Variants in ATP2B3 observed in about 807,000 individuals in gnomAD.
The protein encoded by ATP2B3 is plasma membrane calcium-transporting ATPase 3.
Under a neutral mutation model 70.8 loss-of-function variants are expected in ATP2B3, and 12 were observed. The observed-to-expected ratio is 0.17, with a 90% confidence interval of 0.11 to 0.27. The LOEUF (loss-of-function observed/expected upper bound fraction) is 0.27. Among genes scored for constraint, ATP2B3 ranks in the 10% least tolerant of loss-of-function variants. ATP2B3 has a pLI of 1.00. For synonymous variants in ATP2B3, 460 were observed against 497.8 expected (o/e 0.92, Z 1.01); for missense variants, 858 against 1,118.5 (o/e 0.77, Z 3.32).
At chrX:153,547,533 C>T (rs2090387198) in intron 8 of ATP2B3, among the ~76,000 whole-genome samples, 1 of 111,465 alleles carries the variant, frequency 9.0e-6, no homozygotes, top group African/African-American at 3.3e-5. Context: ...TTATTTGGGG[C>T]ATTCCAGGAC....
At chrX:153,562,310 C>T in intron 20 of ATP2B3, 68 bp downstream of exon 20, 1 of 1,012,945 alleles carries the variant, frequency 9.9e-7, no homozygotes, top group Non-Finnish European at 1.4e-6. Flanking sequence ...GCCCACTTGC[C>T]CTAACCCTGC....
In ATP2B3 at chrX:153,565,024, A is replaced by G. The variant is rs1242701343; in HGVS notation, c.3263A>G (p.Glu1088Gly). 8.3e-7 allele frequency: 1 copy of G among 1,201,043 alleles called. No individual in the cohort carries two copies. Among genetic ancestry groups the G allele is most frequent in the East Asian group, 3.0e-5 (1 of 33,312 alleles). ...GACGAGGAGCTGGCCGAAGGCGAGG[A>G]AGAGATCGACCATGCCGAGCGGGAG... Reference protein sequence around the residue: ...MTDEELAEGEEEIDHAERELR... With the variant: ...MTDEELAEGEGEIDHAERELR... The change falls in exon 21 of 22, where the codon GAA (glutamate) becomes GGA (glycine). Residue 1088 changes from glutamate to glycine, a missense_variant. This residue lies in a region of ATP2B3 where 265 missense variants were observed against 305.3 expected (regional missense o/e 0.87). Transcript: ENST00000263519.
intron 7 of ATP2B3, 84 bp from the exon 8 acceptor site, chrX:153,546,004 C>T (rs2090359802): frequency 9.3e-7 from 1 of 1,079,247 alleles, no homozygotes; most frequent in South Asian, 1.9e-5. Flanking sequence ...AGCAATCAGG[C>T]CCCTCCTCCC....
At chrX:153,528,370 G>A (rs781993055) in intron 2 of ATP2B3, among the ~76,000 whole-genome samples, 1 of 111,860 alleles carries the variant, frequency 8.9e-6, no homozygotes, top group Non-Finnish European at 1.9e-5. Flanking sequence ...GAGGCTGCTG[G>A]CAGAGTGATA....
At position 153,553,027 on chromosome X, in the gene ATP2B3, C is replaced by T. The variant is rs782531079; in HGVS notation, c.1824-8C>T. 8.3e-7 allele frequency: 1 copy of T among 1,197,918 alleles called. No individual in the cohort carries two copies. Among genetic ancestry groups the T allele is most frequent in the Middle Eastern group, 2.3e-4 (1 of 4,308 alleles). Reference sequence around the variant, plus strand: ...CCTCCACCTCATCTCTGCCCACCCCCTGCCTAGGTGCACCAACATCTTGAA... The same window carrying T: ...CCTCCACCTCATCTCTGCCCACCCCTTGCCTAGGTGCACCAACATCTTGAA... On this transcript the variant is annotated splice_polypyrimidine_tract_variant and splice_region_variant and intron_variant, in intron 12 of 21. Coordinates refer to ENST00000263519, the MANE Select transcript of ATP2B3 (RefSeq NM_001001344.3).
Position 153,550,151 on chromosome X carries a change from A to G in ATP2B3, c.1688A>G (p.Glu563Gly), listed in dbSNP as rs1557010897. Residue 563 changes from glutamate to glycine, a missense_variant, in exon 12 of 22, where the codon GAG becomes GGG. Around this residue, in one of 5 missense-constraint regions of ATP2B3, gnomAD observed 242 missense variants for 281.3 expected, o/e 0.86. Coordinates refer to ENST00000263519, the MANE Select transcript of ATP2B3 (RefSeq NM_001001344.3). ...AAGCGGGACTTCCAGCCCGTGCGCGAGCAGATCCCGGAAGACAAGCTTTAC... is the reference window on the plus strand; with the variant it reads ...AAGCGGGACTTCCAGCCCGTGCGCGGGCAGATCCCGGAAGACAAGCTTTAC... ...DLKRDFQPVR[E>G]QIPEDKLYKV... The G allele has an allele frequency of 8.2e-7, 1 of 1,212,440 alleles. No individual in the cohort carries two copies. Among genetic ancestry groups the G allele is most frequent in the East Asian group, 3.0e-5 (1 of 33,863 alleles).
chrX:153,520,428 A>G (rs782563212), intron 2 of ATP2B3, among the ~76,000 whole-genome samples: 28 of 112,174 alleles, frequency 2.5e-4, no homozygotes, highest in African/African-American at 9.1e-4. Flanking sequence ...AGCACATATG[A>G]ACTCCCCTCT....
At chrX:153,555,965 A>G in intron 13 of ATP2B3, 84 bp from the exon 14 acceptor site, 2 of 1,106,667 alleles carry the variant, frequency 1.8e-6, no homozygotes. Context: ...GGCCACCTGC[A>G]GATCTGATGG....
At chrX:153,535,059 C>A (rs2090170562) in intron 2 of ATP2B3, among the ~76,000 whole-genome samples, 1 of 112,879 alleles carries the variant, frequency 8.9e-6, no homozygotes, top group South Asian at 3.6e-4. Context: ...GAGGCCATTT[C>A]AGTTCCATGA....
chrX:153,553,385 C>G, intron 13 of ATP2B3, 116 bp downstream of exon 13: 4 of 607,019 alleles, frequency 6.6e-6, no homozygotes, highest in Non-Finnish European at 1.0e-5. Context: ...CTCCGTAGTA[C>G]ACTTGAGCCC....
intron 2 of ATP2B3, among the ~76,000 whole-genome samples, chrX:153,526,022 C>T (rs1340227219): frequency 8.8e-6 from 1 of 113,109 alleles, no homozygotes; most frequent in Admixed American, 9.2e-5. Flanking sequence ...CCCTCTGCGC[C>T]CCATCCACCC....
intron 8 of ATP2B3, among the ~76,000 whole-genome samples, chrX:153,547,252 C>G (rs2090382672): frequency 9.1e-6 from 1 of 110,247 alleles, no homozygotes; most frequent in African/African-American, 3.3e-5. Context: ...GGGGGACACA[C>G]CACCACCATG....
rs371278810 is a variant in ATP2B3 at position 153,550,130 on chromosome X, G to A, written c.1667G>A (p.Arg556Gln). The A allele has an allele frequency of 2.4e-5, 29 of 1,211,491 alleles. No individual in the cohort carries two copies. The highest frequency in any genetic ancestry group is 6.5e-5 in the Admixed American group (3 of 46,050). The stretch of plus-strand genomic sequence containing the variant: ...CTGGGCTTCGTCTTGGACCTGAAGC[G>A]GGACTTCCAGCCCGTGCGCGAGCAG... ...ALLGFVLDLKRDFQPVREQIP... is the reference protein window; with the variant it reads ...ALLGFVLDLKQDFQPVREQIP... Residue 556 changes from arginine to glutamine, a missense_variant, in exon 12 of 22, where the codon CGG (arginine) becomes CAG (glutamine). Physicochemically the swap from Arg to Gln is conservative, Grantham distance 43. Around this residue, in one of 5 missense-constraint regions of ATP2B3, gnomAD observed 242 missense variants for 281.3 expected, o/e 0.86. Coordinates refer to ENST00000263519, the MANE Select transcript of ATP2B3 (RefSeq NM_001001344.3).
intron 3 of ATP2B3, among the ~76,000 whole-genome samples, chrX:153,540,473 C>T (rs1421226578): frequency 8.9e-6 from 1 of 112,257 alleles, no homozygotes; most frequent in Middle Eastern, 4.2e-3. Context: ...CCCATTAGCT[C>T]TCATGCTCCC....
intron 19 of ATP2B3, among the ~76,000 whole-genome samples, chrX:153,561,725 C>T (rs1394982806): frequency 5.3e-5 from 6 of 112,397 alleles, no homozygotes; most frequent in South Asian, 3.7e-4. Context: ...CAACAGAGGA[C>T]GGGGTCAGTT....
At chrX:153,559,346 G>C (rs1274090543) in intron 17 of ATP2B3, 6 of 185,684 alleles carry the variant, frequency 3.2e-5, no homozygotes, top group Non-Finnish European at 4.9e-5. Context: ...ACAACTCAGA[G>C]GAGCTGAGAA....
chrX:153,548,740 G>C lies in ATP2B3; in HGVS notation c.1224G>C (p.Pro408=). 1 of 1,211,403 alleles carries C rather than the reference G, an allele frequency of 8.3e-7. No homozygotes were observed. Among genetic ancestry groups the C allele is most frequent in the Non-Finnish European group, 1.1e-6 (1 of 895,314 alleles). ...EGRTWLAECT[P]VYVQYFVKFF... ...GGACATGGCTGGCAGAGTGCACGCC[G>C]GTCTATGTACAATACTTCGTGAAGT... Residue 408 remains proline (P), a synonymous_variant, in exon 10 of 22, where the codon CCG becomes CCC. Transcript: ENST00000263519.
chrX:153,554,082 T>A (rs1557012725), intron 13 of ATP2B3, among the ~76,000 whole-genome samples: 1 of 113,690 alleles, frequency 8.8e-6, no homozygotes. Context: ...AAACACTCAA[T>A]TCAAAGACAG....
intron 7 of ATP2B3, 21 bp from the exon 8 acceptor site, chrX:153,546,067 G>A (rs782554772): frequency 1.7e-6 from 2 of 1,209,432 alleles, no homozygotes; most frequent in Non-Finnish European, 2.2e-6. Flanking sequence ...CTTCGTGTCT[G>A]TCATCCCTCT....
Sources: gnomAD v4.1 joint callset for allele counts (sites outside exome capture counted in the v4.1 genomes callset) on GRCh38, gnomAD v4.1.1 for gene constraint, gnomAD v4.1.1 regional missense constraint, MANE v1.5 for transcripts, NCBI Gene and HGNC (gene_info 2026-07-23, HGNC 2026-07-21) for gene names.